Variants in RAD18 observed in about 807,000 individuals in gnomAD.
RAD18 encodes RAD18 E3 ubiquitin protein ligase, also known as E3 ubiquitin-protein ligase RAD18.
Under a neutral mutation model 60.4 loss-of-function variants are expected in RAD18, and 47 were observed. The observed-to-expected ratio is 0.78, with a 90% confidence interval of 0.62 to 0.99. The LOEUF is 0.99. RAD18 is among the 50% of genes least tolerant of loss of function. The pLI is 0.00. For synonymous variants in RAD18, 225 were observed against 195.5 expected, an observed-to-expected ratio of 1.15 and a Z score of -1.26; for missense variants, 640 against 593.3, an observed-to-expected ratio of 1.08 and a Z score of -0.82.
At chr3:8,894,787 G>A (rs1314955734) in intron 11 of RAD18, among the ~76,000 whole-genome samples, 1 of 133,134 alleles carries the variant, frequency 7.5e-6, no homozygotes, top group East Asian at 2.3e-4. Flanking sequence ...TTGAGATGGA[G>A]TCTCGCTTTG....
chr3:8,935,245 T>G (rs1261339585), intron 7 of RAD18, among the ~76,000 whole-genome samples: 1 of 152,212 alleles, frequency 6.6e-6, no homozygotes, highest in Non-Finnish European at 1.5e-5. Context: ...ATTCTATATG[T>G]TAATAGAAAG....
Position 8,888,390 on chromosome 3 carries a change from G to A in RAD18, c.1385+1999C>T, listed in dbSNP as rs186382660. Among the ~76,000 whole-genome samples, 22 of 152,320 alleles carry A rather than the reference G, an allele frequency of 1.4e-4. No individual in the cohort carries two copies. The East Asian group carries it at 3.9e-3, about 27-fold the overall frequency. ...AACCCTGCTTTATATGGAGCCATGTGTTGCTAACGAAACCTCTAAATCATT... is the reference window on the plus strand; with the variant it reads ...AACCCTGCTTTATATGGAGCCATGTATTGCTAACGAAACCTCTAAATCATT... On this transcript the variant is annotated intron_variant, in intron 12 of 12. Transcript: ENST00000264926.
At chr3:8,898,730 CTTG>C (rs990025701) in intron 11 of RAD18, among the ~76,000 whole-genome samples, 161 bp downstream of exon 11, 37 of 152,270 alleles carry the variant, frequency 2.4e-4, no homozygotes, top group African/African-American at 8.7e-4. Context: ...CAAATCCTGC[CTTG>C]TTATCACTGT....
chr3:8,945,468 CTTTTTTTTTTTT>C (rs375744764), intron 4 of RAD18, among the ~76,000 whole-genome samples: 3 of 96,416 alleles, frequency 3.1e-5, no homozygotes, highest in South Asian at 4.3e-4. Context: ...TTTCCATCTT[CTTTTTTTTTTTT>C]TTTTTTTTTT....
intron 2 of RAD18, among the ~76,000 whole-genome samples, chr3:8,957,646 A>G (rs937906161): frequency 6.6e-6 from 1 of 152,234 alleles, no homozygotes; most frequent in Non-Finnish European, 1.5e-5. Flanking sequence ...CTAAAGCAAC[A>G]GTAAACTTAG....
chr3:8,925,436 A>C (rs1940416250), intron 7 of RAD18, among the ~76,000 whole-genome samples: 1 of 152,208 alleles, frequency 6.6e-6, no homozygotes. Flanking sequence ...ACCAACCAAA[A>C]AAAGTCCAGG....
At chr3:8,933,945 G>A (rs972212309) in intron 7 of RAD18, among the ~76,000 whole-genome samples, 1 of 152,088 alleles carries the variant, frequency 6.6e-6, no homozygotes, top group Admixed American at 6.5e-5. Context: ...CCTGCTCAAC[G>A]GTAAATAATA....
chr3:8,937,890 T>G (rs567221625), intron 6 of RAD18, among the ~76,000 whole-genome samples: 2 of 152,260 alleles, frequency 1.3e-5, no homozygotes, highest in Non-Finnish European at 2.9e-5. Flanking sequence ...AAACCACTAT[T>G]AGAACTTAAT....
intron 7 of RAD18, among the ~76,000 whole-genome samples, chr3:8,922,213 C>A (rs1575547670): frequency 6.6e-6 from 1 of 152,336 alleles, no homozygotes; most frequent in Admixed American, 6.5e-5. Flanking sequence ...ACAGATGGCA[C>A]CTGGAAAATT....
intron 7 of RAD18, among the ~76,000 whole-genome samples, chr3:8,917,747 A>G (rs1940232264): frequency 6.6e-6 from 1 of 152,138 alleles, no homozygotes; most frequent in African/African-American, 2.4e-5. Context: ...AGGAAAAAAC[A>G]GCAAGATATT....
Position 8,881,419 on chromosome 3 carries a change from G to A in RAD18, c.1426C>T (p.Arg476Cys), listed in dbSNP as rs141454362. 68 of 1,612,798 alleles carry A rather than the reference G, an allele frequency of 4.2e-5. No homozygotes were observed. Among genetic ancestry groups the A allele is most frequent in the Admixed American group, 3.2e-4 (19 of 59,976 alleles). The change falls in exon 13 of 13, where the codon CGC becomes TGC. Residue 476 changes from arginine to cysteine, a missense_variant. By Grantham distance (180) the Arg-to-Cys change is radical. Transcript: ENST00000264926. Reference protein sequence around the residue: ...QDTEISPRQNRRTRAAESAEI... With the variant: ...QDTEISPRQNCRTRAAESAEI... ...GCACTTTCAGCGGCTCTTGTGCGGC[G>A]ATTCTGTCTTGGACTTATTTCTGTG... is the stretch of plus-strand genomic sequence containing the variant.
rs553387418 is a variant in RAD18 at position 8,885,249 on chromosome 3, C to T, written c.1386-3790G>A. 1.1e-4 allele frequency among the ~76,000 whole-genome samples: 16 copies of T among 152,184 alleles called. No individual in the cohort carries two copies. The East Asian group carries it at 3.1e-3, about 29-fold the overall frequency. ...GACCACTGTAAACAGGCCTGAGTTTCCTTTTATTCATTTTTTTAAAGATGG... is the reference window on the plus strand; with the variant it reads ...GACCACTGTAAACAGGCCTGAGTTTTCTTTTATTCATTTTTTTAAAGATGG... On this transcript the variant is annotated intron_variant, in intron 12 of 12. Coordinates refer to ENST00000264926, the MANE Select transcript of RAD18 (RefSeq NM_020165.4).
intron 7 of RAD18, 117 bp downstream of exon 7, chr3:8,935,754 G>T: frequency 1.0e-6 from 1 of 989,134 alleles, no homozygotes; most frequent in Non-Finnish European, 1.4e-6. Context: ...ACATTTGCAC[G>T]TCTTATCTAT....
intron 3 of RAD18, among the ~76,000 whole-genome samples, chr3:8,948,142 C>A (rs1940865664): frequency 6.6e-6 from 1 of 152,198 alleles, no homozygotes; most frequent in African/African-American, 2.4e-5. Flanking sequence ...TTAAGCCCAA[C>A]AGCCATGCAT....
rs771102892 is a variant in RAD18, at chr3:8,935,877, T to C, written c.883A>G (p.Lys295Glu). ...CACTGTTTTATTACTTTACCTGATT[T>C]AGGATGCAAAGCATCGCATTGGGCA... ...YNAQCDALHPKSAAEIVREIE... is the reference protein window; with the variant it reads ...YNAQCDALHPESAAEIVREIE... The change falls in exon 7 of 13, where the codon AAA (lysine) becomes GAA (glutamate). Residue 295 changes from lysine (K) to glutamate (E), a missense_variant. Transcript: ENST00000264926. The C allele has an allele frequency of 1.3e-6, 2 of 1,578,810 alleles. No homozygotes were observed.
chr3:8,881,580 GT>G, intron 12 of RAD18, 121 bp from the exon 13 acceptor site: 1 of 710,756 alleles, frequency 1.4e-6, no homozygotes, highest in Non-Finnish European at 2.3e-6. Context: ...CCTCTATTCT[GT>G]TGATGAATTC....
intron 7 of RAD18, among the ~76,000 whole-genome samples, chr3:8,934,929 T>C (rs937991036): frequency 1.3e-5 from 2 of 152,228 alleles, no homozygotes; most frequent in African/African-American, 4.8e-5. Flanking sequence ...ATGAATCTTA[T>C]AATGTTGCAC....
chr3:8,956,279 T>C (rs1182338485), intron 2 of RAD18, among the ~76,000 whole-genome samples: 4 of 152,226 alleles, frequency 2.6e-5, no homozygotes, highest in Admixed American at 1.3e-4. Flanking sequence ...AAGCGCTACT[T>C]GACACAATTA....
At chr3:8,952,458 G>C (rs1279850340) in intron 2 of RAD18, among the ~76,000 whole-genome samples, 1 of 152,166 alleles carries the variant, frequency 6.6e-6, no homozygotes, top group African/African-American at 2.4e-5. Context: ...TTTTAACTTA[G>C]TTTCCCAGGC....
Sources: gnomAD v4.1 joint callset for allele counts (sites outside exome capture counted in the v4.1 genomes callset) on GRCh38, gnomAD v4.1.1 for gene constraint, MANE v1.5 for transcripts, NCBI Gene and HGNC (gene_info 2026-07-23, HGNC 2026-07-21) for gene names.